TMEM74: variants seen among roughly 807,000 people sequenced by gnomAD.
TMEM74 encodes transmembrane protein 74.
In TMEM74, 13 loss-of-function variants were observed where a neutral mutation model predicts 18.1. That is an observed-to-expected ratio of 0.72 (90% CI 0.47 to 1.14). The LOEUF is 1.14. Among genes scored for constraint, TMEM74 ranks in the 50% most tolerant of loss-of-function variants. The pLI, the probability that TMEM74 is intolerant of heterozygous loss-of-function variation, is 0.00. For synonymous variants in TMEM74, 159 were observed against 146.6 expected, an observed-to-expected ratio of 1.08 and a Z score of -0.61; for missense variants, 372 against 375.9, an observed-to-expected ratio of 0.99 and a Z score of 0.09.
intron 2 of TMEM74, chr8:108,652,603 GA>G: frequency 8.0e-6 from 5 of 623,424 alleles, no homozygotes; most frequent in Non-Finnish European, 1.2e-5. Context: ...GAGACACTGG[GA>G]AAAGATAGTT....
chr8:108,772,440 C>T (rs1415450577), intron 1 of TMEM74, among the ~76,000 whole-genome samples: 2 of 152,096 alleles, frequency 1.3e-5, no homozygotes, highest in African/African-American at 4.8e-5. Flanking sequence ...GGTCCTTATT[C>T]TCCTAGAGTT....
chr8:108,663,162 A>G (rs1376781729), intron 1 of TMEM74, among the ~76,000 whole-genome samples: 2 of 152,156 alleles, frequency 1.3e-5, no homozygotes, highest in Admixed American at 6.6e-5. Flanking sequence ...GACAGCCTGC[A>G]GAGGAAGAGA....
chr8:108,741,191 A>G lies in TMEM74; in HGVS notation n.119+46285T>C, dbSNP rs148691520. Among the ~76,000 whole-genome samples, 482 of 152,316 alleles carry G rather than the reference A, an allele frequency of 3.2e-3. 4 individuals are homozygous for G. Among genetic ancestry groups the G allele is most frequent in the Non-Finnish European group, 5.3e-3 (358 of 68,006 alleles). On this transcript the variant is annotated intron_variant and non_coding_transcript_variant, in intron 1 of 3. Coordinates refer to the TMEM74 transcript ENST00000518838. ...GTGAGAAAACTACTTTAAAAAAATC[A>G]GTGACATCATGAACATGAAATTCAG...
chr8:108,722,751 TTA>T (rs763596394), intron 1 of TMEM74, among the ~76,000 whole-genome samples: 324 of 152,274 alleles, frequency 2.1e-3, no homozygotes, highest in Non-Finnish European at 4.0e-3. Flanking sequence ...TATTTTTTTT[TTA>T]AAAGGGGATG....
intron 1 of TMEM74, among the ~76,000 whole-genome samples, chr8:108,735,121 C>T (rs1308927179): frequency 6.6e-6 from 1 of 152,178 alleles, no homozygotes; most frequent in Non-Finnish European, 1.5e-5. Flanking sequence ...TTCTGACTTT[C>T]GTTTCCATTC....
chr8:108,655,860 C>T (rs1233468071), intron 1 of TMEM74, among the ~76,000 whole-genome samples: 2 of 152,174 alleles, frequency 1.3e-5, no homozygotes, highest in Admixed American at 6.5e-5. Context: ...CAATATAGCA[C>T]ATCAAACAAT....
chr8:108,676,485 G>A (rs10104284), intron 1 of TMEM74, among the ~76,000 whole-genome samples: 27,149 of 151,920 alleles, frequency 0.18, 2,942 homozygotes, highest in East Asian at 0.42. Context: ...GCATGCACAC[G>A]GCTCACTTCC....
chr8:108,774,938 G>A (rs957696613), downstream of TMEM74, among the ~76,000 whole-genome samples: 5 of 151,782 alleles, frequency 3.3e-5, no homozygotes, highest in African/African-American at 1.2e-4. Flanking sequence ...AACTCCCAAG[G>A]AGGAAGACTA....
chr8:108,619,989 T>C (rs771778432), intron 2 of TMEM74, among the ~76,000 whole-genome samples: 3 of 152,172 alleles, frequency 2.0e-5, no homozygotes, highest in South Asian at 4.1e-4. Flanking sequence ...CACCTCCTCT[T>C]CCTCTTCTTC....
At chr8:108,736,106 GCTGGACTTTTGGCA>G (rs1813747466) in intron 1 of TMEM74, among the ~76,000 whole-genome samples, 1 of 151,698 alleles carries the variant, frequency 6.6e-6, no homozygotes, top group African/African-American at 2.4e-5. Context: ...TCTAACCTCA[GCTGGACTTTTGGCA>G]CTGTTTGTCT....
chr8:108,736,513 G>A (rs1172600802), intron 1 of TMEM74, among the ~76,000 whole-genome samples: 3 of 152,058 alleles, frequency 2.0e-5, no homozygotes, highest in East Asian at 3.8e-4. Flanking sequence ...TATCATAGAA[G>A]CTATAGTTTT....
At chr8:108,726,346 C>T (rs573616849) in intron 1 of TMEM74, among the ~76,000 whole-genome samples, 1 of 152,078 alleles carries the variant, frequency 6.6e-6, no homozygotes, top group South Asian at 2.1e-4. Flanking sequence ...AGCACATGAC[C>T]TCTTTTAAAG....
At chr8:108,702,328 G>A (rs1486957526) in intron 1 of TMEM74, among the ~76,000 whole-genome samples, 1 of 141,906 alleles carries the variant, frequency 7.0e-6, no homozygotes, top group Admixed American at 7.3e-5. Context: ...CCTGGCGACG[G>A]TGTGAGACTC....
chr8:108,670,736 C>T (rs1276611640), intron 1 of TMEM74, among the ~76,000 whole-genome samples: 1 of 151,904 alleles, frequency 6.6e-6, no homozygotes, highest in Non-Finnish European at 1.5e-5. Flanking sequence ...AACATGTTAC[C>T]AGAATCTATT....
intron 1 of TMEM74, among the ~76,000 whole-genome samples, chr8:108,661,378 C>CTTTTTTTTTT (rs760545466): frequency 0.011 from 957 of 86,722 alleles, 2 homozygotes; most frequent in Non-Finnish European, 0.013. Context: ...CCTTGCAGCT[C>CTTTTTTTTTT]TTTTTTTTTT....
At chr8:108,681,296 A>C (rs969807441) in intron 1 of TMEM74, among the ~76,000 whole-genome samples, 1 of 152,208 alleles carries the variant, frequency 6.6e-6, no homozygotes. Flanking sequence ...CCAAAACAGC[A>C]TGGTACTGGT....
intron 1 of TMEM74, among the ~76,000 whole-genome samples, chr8:108,771,202 T>C (rs1814167304): frequency 6.6e-6 from 1 of 152,184 alleles, no homozygotes; most frequent in African/African-American, 2.4e-5. Flanking sequence ...CTTAACACCA[T>C]ATACTAGCTG....
chr8:108,723,478 A>C (rs1444340142), intron 1 of TMEM74, among the ~76,000 whole-genome samples: 1 of 152,112 alleles, frequency 6.6e-6, no homozygotes, highest in Non-Finnish European at 1.5e-5. Context: ...ATATATATGA[A>C]TATGTTTCAC....
At chr8:108,738,444 A>T (rs749125510) in intron 1 of TMEM74, among the ~76,000 whole-genome samples, 1 of 152,284 alleles carries the variant, frequency 6.6e-6, no homozygotes, top group Non-Finnish European at 1.5e-5. Context: ...AGTTCATTTC[A>T]TTTGGGGTGT....
Sources: gnomAD v4.1 joint callset for allele counts (sites outside exome capture counted in the v4.1 genomes callset) on GRCh38, gnomAD v4.1.1 for gene constraint, MANE v1.5 for transcripts, NCBI Gene and HGNC (gene_info 2026-07-23, HGNC 2026-07-21) for gene names.